Variants in GOSR1 observed in about 807,000 individuals in gnomAD.
GOSR1 encodes 28 kDa Golgi SNARE protein.
In GOSR1, 21 loss-of-function variants were observed where a neutral mutation model predicts 35.5. The ratio of observed to expected loss-of-function variants is 0.59; its 90% confidence interval spans 0.42 to 0.85. The LOEUF (loss-of-function observed/expected upper bound fraction) is 0.85. GOSR1 is among the 40% of genes least tolerant of loss of function. The pLI, the probability that GOSR1 is intolerant of heterozygous loss-of-function variation, is 0.00. For synonymous variants in GOSR1, 94 were observed against 106.6 expected, an observed-to-expected ratio of 0.88 and a Z score of 0.73; for missense variants, 285 against 309.6, an observed-to-expected ratio of 0.92 and a Z score of 0.60.
chr17:30,492,655 T>A (rs1295671792), intron 5 of GOSR1, 24 bp from the exon 6 acceptor site: 11 of 1,411,054 alleles, frequency 7.8e-6, no homozygotes, highest in Admixed American at 3.4e-5. Flanking sequence ...CAAAAATGTT[T>A]TTAAATTTTC....
At chr17:30,484,524 C>T (rs1057210672) in intron 3 of GOSR1, 139 bp from the exon 4 acceptor site, 1 of 591,432 alleles carries the variant, frequency 1.7e-6, no homozygotes, top group Non-Finnish European at 2.9e-6. Flanking sequence ...CTTACTTGCT[C>T]TCTTGTTTGT....
intron 4 of GOSR1, among the ~76,000 whole-genome samples, chr17:30,486,894 A>T (rs1914717563): frequency 6.6e-6 from 1 of 152,214 alleles, no homozygotes; most frequent in East Asian, 1.9e-4. Flanking sequence ...ATTGCATGAC[A>T]TCCCAGTGGA....
rs1221527266 is a variant in GOSR1, at chr17:30,522,944, TGCCTGCAATTGCAG to T, written c.*569_*582del. The T allele has an allele frequency of 5.0e-6, 1 of 200,734 alleles. No individual in the cohort carries two copies. Among genetic ancestry groups the T allele is most frequent in the Non-Finnish European group, 9.9e-6 (1 of 101,254 alleles). 12.4% of individuals were successfully genotyped at this position (200,734 alleles called of 1,614,324 possible). ...GATTCTCCTGCCTCAGCCTGCCGAG[TGCCTGCAATTGCAG>T]GCGAGCGCCGCCACGCCTGACTGCC... On this transcript the variant is annotated 3_prime_UTR_variant, in exon 9 of 9. Coordinates refer to ENST00000451249, the MANE Select transcript of GOSR1 (RefSeq NM_001007025.2).
At chr17:30,490,326 G>A (rs1914962046) in intron 5 of GOSR1, 109 bp downstream of exon 5, 5 of 578,386 alleles carry the variant, frequency 8.6e-6, no homozygotes, top group Non-Finnish European at 1.6e-5. Context: ...GAGATTTTAG[G>A]GTTTCCAATT....
At chr17:30,495,363 A>G (rs1966956401) in intron 6 of GOSR1, 1 of 445,664 alleles carries the variant, frequency 2.2e-6, no homozygotes, top group Non-Finnish European at 4.5e-6. Context: ...CTCTAGAAGC[A>G]TTTTGTCATT....
At chr17:30,514,900 A>C (rs1170911760) in intron 7 of GOSR1, among the ~76,000 whole-genome samples, 2 of 152,188 alleles carry the variant, frequency 1.3e-5, no homozygotes, top group Admixed American at 6.5e-5. Context: ...CTTTCGTGAG[A>C]GACAGATACA....
intron 6 of GOSR1, among the ~76,000 whole-genome samples, chr17:30,507,781 C>T (rs866632378): frequency 1.3e-5 from 2 of 150,428 alleles, no homozygotes; most frequent in Non-Finnish European, 2.9e-5. Flanking sequence ...CTGAATTGTG[C>T]GGCAATCTTA....
chr17:30,489,843 AT>A (rs1351676120), intron 4 of GOSR1, among the ~76,000 whole-genome samples: 1 of 152,106 alleles, frequency 6.6e-6, no homozygotes, highest in Non-Finnish European at 1.5e-5. Flanking sequence ...TTATCTCAGA[AT>A]TTTTTTCTTC....
chr17:30,477,835 G>T, intron 1 of GOSR1: 2 of 985,372 alleles, frequency 2.0e-6, no homozygotes, highest in Non-Finnish European at 1.2e-6. Context: ...AAGATCCAGA[G>T]CCCCGGAGAC....
intron 8 of GOSR1, among the ~76,000 whole-genome samples, chr17:30,521,240 GGCAC>G (rs1968023764): frequency 7.1e-6 from 1 of 140,034 alleles, no homozygotes; most frequent in Non-Finnish European, 1.5e-5. Flanking sequence ...GGAGTACAGT[GGCAC>G]GATCTCAGCT....
intron 6 of GOSR1, among the ~76,000 whole-genome samples, chr17:30,496,283 C>T (rs1011891427): frequency 1.8e-4 from 27 of 152,270 alleles, no homozygotes; most frequent in African/African-American, 6.3e-4. Context: ...CACTCATTCC[C>T]GCTTTAGCCC....
At chr17:30,491,647 A>T (rs996938134) in intron 5 of GOSR1, among the ~76,000 whole-genome samples, 8 of 152,154 alleles carry the variant, frequency 5.3e-5, no homozygotes, top group African/African-American at 9.7e-5. Context: ...TGACAGAGCA[A>T]GACTCTGTCT....
chr17:30,505,799 G>A (rs1456138540), intron 6 of GOSR1, among the ~76,000 whole-genome samples: 4 of 152,088 alleles, frequency 2.6e-5, no homozygotes, highest in African/African-American at 9.7e-5. Context: ...CATGATCCCA[G>A]CCCACTGCAA....
chr17:30,484,401 C>A, intron 3 of GOSR1, 100 bp downstream of exon 3: 1 of 792,058 alleles, frequency 1.3e-6, no homozygotes, highest in Non-Finnish European at 2.3e-6. Context: ...TGAAATTATC[C>A]ATTCCATTCA....
intron 5 of GOSR1, among the ~76,000 whole-genome samples, chr17:30,491,044 G>T (rs1915010049): frequency 6.6e-6 from 1 of 152,166 alleles, no homozygotes; most frequent in African/African-American, 2.4e-5. Context: ...CTTTCCTAGA[G>T]ATCCTTTATT....
At chr17:30,506,370 C>T (rs79343176) in intron 6 of GOSR1, among the ~76,000 whole-genome samples, 1 of 152,200 alleles carries the variant, frequency 6.6e-6, no homozygotes, top group Admixed American at 6.5e-5. Context: ...AGCAAAACAA[C>T]CCTATTGCTG....
At chr17:30,508,312 G>T (rs1241645661) in intron 6 of GOSR1, among the ~76,000 whole-genome samples, 1 of 151,858 alleles carries the variant, frequency 6.6e-6, no homozygotes, top group Non-Finnish European at 1.5e-5. Flanking sequence ...TTGTTGATTT[G>T]GGCAATATAA....
chr17:30,523,278 C>CT lies in GOSR1; in HGVS notation c.*901dup, dbSNP rs1968106405. The CT allele has an allele frequency of 5.7e-6, 1 of 176,690 alleles. No individual in the cohort carries two copies. Among genetic ancestry groups the CT allele is most frequent in the South Asian group, 1.0e-4 (1 of 9,860 alleles). 10.9% of individuals were successfully genotyped at this position (176,690 alleles called of 1,614,324 possible). The stretch of plus-strand genomic sequence containing the variant: ...GCGTCTCTGCCCGGCCGCCCATCGT[C>CT]TGAGATGTGGGGAGCGCCTCTGCCC... On this transcript the variant is annotated 3_prime_UTR_variant, in exon 9 of 9. Coordinates refer to ENST00000451249, the MANE Select transcript of GOSR1 (RefSeq NM_001007025.2).
chr17:30,491,005 AC>A (rs1915007684), intron 5 of GOSR1, among the ~76,000 whole-genome samples: 2 of 152,208 alleles, frequency 1.3e-5, no homozygotes, highest in African/African-American at 4.8e-5. Flanking sequence ...TTTATGGTAA[AC>A]TGTATATTAT....
Sources: allele counts gnomAD v4.1 joint callset (sites outside exome capture counted in the v4.1 genomes callset), GRCh38; gene constraint gnomAD v4.1.1; transcripts MANE v1.5; gene names NCBI Gene and HGNC (gene_info 2026-07-23, HGNC 2026-07-21).